The following SULT1C2 variants were observed in gnomAD, a reference collection of about 807,000 sequenced individuals.
The protein encoded by SULT1C2 is sulfotransferase 1C2.
SULT1C2 carries 27 observed loss-of-function variants against 36.0 expected under a neutral mutation model. The ratio of observed to expected loss-of-function variants is 0.75; its 90% CI spans 0.55 to 1.03. The LOEUF is 1.03. Ranked by LOEUF, SULT1C2 falls within the 50% of genes least tolerant of loss-of-function variation. The pLI, the probability that SULT1C2 is intolerant of heterozygous loss-of-function variation, is 0.00. For synonymous variants in SULT1C2, 121 were observed against 116.0 expected, an observed-to-expected ratio of 1.04 and a Z score of -0.27; for missense variants, 395 against 359.2, an observed-to-expected ratio of 1.10 and a Z score of -0.80.
At position 108,304,573 on chromosome 2, in the gene SULT1C2, G is replaced by C. The variant is rs987193528; in HGVS notation, c.376-1G>C. 1.9e-6 allele frequency: 3 copies of C among 1,595,346 alleles called. No individual in the cohort carries two copies. The highest frequency in any genetic ancestry group is 2.2e-5 in the East Asian group (1 of 44,764). On this transcript the variant is annotated splice_acceptor_variant, in intron 4 of 7. Coordinates refer to ENST00000251481, the MANE Select transcript of SULT1C2 (RefSeq NM_001056.4). LOFTEE classifies it high-confidence loss of function. ...TACCCACCTCTTTTCTTACCCCAAA[G>C]TTCCTTTATGTAGCTCGAAATGCCA...
chr2:108,292,091 T>A (rs929598009), intron 1 of SULT1C2, among the ~76,000 whole-genome samples: 1 of 152,166 alleles, frequency 6.6e-6, no homozygotes, highest in African/African-American at 2.4e-5. Flanking sequence ...CCAGATTATT[T>A]TATTCAACCT....
chr2:108,290,212 T>C (rs1676555444), intron 1 of SULT1C2, among the ~76,000 whole-genome samples: 1 of 152,098 alleles, frequency 6.6e-6, no homozygotes, highest in Non-Finnish European at 1.5e-5. Flanking sequence ...ACCCCCACCC[T>C]ATGGAGGACC....
At position 108,291,958 on chromosome 2, in the gene SULT1C2, G is replaced by A. The variant is rs907796854; in HGVS notation, c.-21-1689G>A. On this transcript the variant is annotated intron_variant, in intron 1 of 7. Transcript: ENST00000251481. ...AATTTTCATAAATAATTTGTCTTTC[G>A]TTTTCCAAAAATTGTCTTCATCTTA... Among the ~76,000 whole-genome samples, 13 of 151,948 alleles carry A rather than the reference G, an allele frequency of 8.6e-5. No individual in the cohort carries two copies. The East Asian group carries it at 1.2e-3, about 13-fold the overall frequency.
intron 1 of SULT1C2, among the ~76,000 whole-genome samples, chr2:108,290,020 A>G (rs1176043348): frequency 6.6e-6 from 1 of 152,168 alleles, no homozygotes; most frequent in Non-Finnish European, 1.5e-5. Flanking sequence ...CTCGGTCATC[A>G]GCTACCTGCC....
At chr2:108,303,260 A>C (rs1318073331) in intron 4 of SULT1C2, 1 of 152,566 alleles carries the variant, frequency 6.6e-6, no homozygotes, top group African/African-American at 2.4e-5. Flanking sequence ...GACTGTCATA[A>C]GGAAGAAGTG....
intron 3 of SULT1C2, chr2:108,298,724 G>A: frequency 3.0e-6 from 1 of 328,698 alleles, no homozygotes; most frequent in South Asian, 2.3e-5. Context: ...TTCTCTATTA[G>A]GTACCCAATA....
At chr2:108,305,641 C>T (rs940538340) in intron 7 of SULT1C2, 46 bp downstream of exon 7, 1 of 1,604,956 alleles carries the variant, frequency 6.2e-7, no homozygotes. Context: ...CTCGTAACAT[C>T]CTGTCTGCCT....
intron 1 of SULT1C2, among the ~76,000 whole-genome samples, chr2:108,291,048 G>A (rs994846685): frequency 5.9e-5 from 9 of 152,182 alleles, no homozygotes; most frequent in South Asian, 2.1e-4. Flanking sequence ...GCAGGGCTGC[G>A]TTCCCTTCTG....
At chr2:108,301,055 C>T in intron 4 of SULT1C2, 120 bp downstream of exon 4, 1 of 1,267,020 alleles carries the variant, frequency 7.9e-7, no homozygotes, top group Non-Finnish European at 1.1e-6. Context: ...CTGATGCTTA[C>T]CAGCAAAGAG....
At chr2:108,301,547 C>G (rs998097771) in intron 4 of SULT1C2, 6 of 152,506 alleles carry the variant, frequency 3.9e-5, no homozygotes, top group African/African-American at 1.2e-4. Flanking sequence ...CGCCACTGCA[C>G]TCCAGCCTGG....
chr2:108,294,164 C>T lies in SULT1C2; in HGVS notation c.152-65C>T, dbSNP rs529470390. ...AGGCTCTACATCCTCTTCGTTTACT[C>T]GGGACTCTTCAGGGAAGATTGTCTA... On this transcript the variant is annotated intron_variant, in intron 2 of 7. Transcript: ENST00000251481. The T allele has an allele frequency of 6.5e-5, 104 of 1,592,440 alleles. No individual in the cohort carries two copies. The Middle Eastern group carries it at 8.4e-4, about 13-fold the overall frequency.
chr2:108,301,763 G>A (rs901147334), intron 4 of SULT1C2: 1 of 152,266 alleles, frequency 6.6e-6, no homozygotes, highest in Admixed American at 6.5e-5. Context: ...ACACGTCCTT[G>A]CTGAGTAAAT....
chr2:108,292,474 C>T (rs1258751759), intron 1 of SULT1C2, among the ~76,000 whole-genome samples: 1 of 151,342 alleles, frequency 6.6e-6, no homozygotes, highest in African/African-American at 2.4e-5. Context: ...ATATTTCTCC[C>T]ACAAATGGCC....
At chr2:108,293,179 CAAAAAA>C (rs397869118) in intron 1 of SULT1C2, among the ~76,000 whole-genome samples, 4 of 54,074 alleles carry the variant, frequency 7.4e-5, no homozygotes, top group South Asian at 1.7e-3. Flanking sequence ...GACTCTGTCT[CAAAAAA>C]AAAAAAAAAA....
chr2:108,307,109 CA>C lies in SULT1C2; in HGVS notation c.779-1242del, dbSNP rs564330753. 4.6e-5 allele frequency among the ~76,000 whole-genome samples: 7 copies of C among 152,284 alleles called. No individual in the cohort carries two copies. In the South Asian group the frequency reaches 1.5e-3, roughly 32 times the overall value. ...CTTTTCTTCTTCCTCTTTGATTTTG[CA>C]TGTGCTTGAATTTATGTTGTTGCAT... On this transcript the variant is annotated intron_variant, in intron 7 of 7. Coordinates refer to ENST00000251481, the MANE Select transcript of SULT1C2 (RefSeq NM_001056.4).
rs2104426886 is a variant in SULT1C2, at chr2:108,308,688, TA to T, written c.*225del. On this transcript the variant is annotated 3_prime_UTR_variant, in exon 8 of 8. Transcript: ENST00000251481. ...ATTCTTTCCAAAGTAAGATATAAGG[TA>T]GCTTAATAAACTAAGTAAAACGTAT... 2.1e-6 allele frequency: 1 copy of T among 474,866 alleles called. No individual in the cohort carries two copies. Among genetic ancestry groups the T allele is most frequent in the East Asian group, 3.4e-5 (1 of 29,502 alleles). The allele number at this position is 474,866 out of a possible 1,614,324, so 29.4% of individuals were successfully genotyped here. A position where few individuals can be genotyped will look rare whatever the true frequency, so the allele number is the denominator to read the frequency against.
In SULT1C2 at chr2:108,304,623, A is replaced by G. The variant is rs1482344896; in HGVS notation, c.425A>G (p.His142Arg). Residue 142 changes from histidine (H) to arginine (R), a missense_variant, in exon 5 of 8, where the codon CAT (histidine) becomes CGT (arginine). His to Arg is a conservative substitution (Grantham distance 29). Coordinates refer to ENST00000251481, the MANE Select transcript of SULT1C2 (RefSeq NM_001056.4). ...NAKDCMVSYY[H>R]FQRMNHMLPD... ...AAAGACTGTATGGTTTCCTACTACC[A>G]TTTCCAAAGGATGAACCACATGCTT... 4 of 1,613,648 alleles carry G rather than the reference A, an allele frequency of 2.5e-6. No homozygotes were observed. The highest frequency in any genetic ancestry group is 2.2e-5 in the East Asian group (1 of 44,898).
At chr2:108,294,001 C>T (rs1231793747) in intron 2 of SULT1C2, among the ~76,000 whole-genome samples, 183 bp downstream of exon 2, 1 of 152,180 alleles carries the variant, frequency 6.6e-6, no homozygotes, top group East Asian at 1.9e-4. Context: ...TATGCTCTAC[C>T]ATGCACTGGT....
At chr2:108,297,575 G>A (rs1676766515) in intron 3 of SULT1C2, among the ~76,000 whole-genome samples, 1 of 152,054 alleles carries the variant, frequency 6.6e-6, no homozygotes, top group African/African-American at 2.4e-5. Context: ...CTGCAGCCTG[G>A]GCTGTGTCAT....
Sources: allele counts gnomAD v4.1 joint callset (sites outside exome capture counted in the v4.1 genomes callset), GRCh38; gene constraint gnomAD v4.1.1; transcripts MANE v1.5; gene names NCBI Gene and HGNC (gene_info 2026-07-23, HGNC 2026-07-21).